FNTB: variants seen among roughly 807,000 people sequenced by gnomAD.
FNTB encodes farnesyltransferase, CAAX box, subunit beta, also known as protein farnesyltransferase subunit beta.
FNTB carries 27 observed loss-of-function variants against 59.4 expected under a neutral mutation model. The ratio of observed to expected loss-of-function variants is 0.45; its 90% CI spans 0.34 to 0.63. The LOEUF (loss-of-function observed/expected upper bound fraction) is 0.63. FNTB is among the 20% of genes least tolerant of loss of function. FNTB has a pLI of 0.02. For missense variants in FNTB, 449 were observed against 559.6 expected (o/e 0.80, Z 1.99); for synonymous variants, 230 against 220.7 (o/e 1.04, Z -0.37).
intron 11 of FNTB, among the ~76,000 whole-genome samples, chr14:65,059,596 G>A (rs2062815544): frequency 6.6e-6 from 1 of 151,844 alleles, no homozygotes; most frequent in Non-Finnish European, 1.5e-5. Flanking sequence ...GTTGCTCCTA[G>A]TATTCTCTCA....
rs985766637 is a variant in FNTB at position 65,028,262 on chromosome 14, T to C, written c.605+481T>C. ...CAGAGAGCCTTGTGGGCCGGGAGAG[T>C]GCAGTGCAATAAAATCGCATTAACT... is the stretch of plus-strand genomic sequence containing the variant. On this transcript the variant is annotated intron_variant, in intron 6 of 11. Coordinates refer to ENST00000246166, the MANE Select transcript of FNTB (RefSeq NM_002028.4). The surrounding 1 kb of genome is among the most constrained non-coding windows in gnomAD (Gnocchi z 4.4). Among the ~76,000 whole-genome samples the C allele has an allele frequency of 7.2e-5, 11 of 151,916 alleles. No individual in the cohort carries two copies. Among genetic ancestry groups the C allele is most frequent in the Admixed American group, 7.2e-4 (11 of 15,242 alleles).
rs2062090062 is a variant in FNTB at position 65,031,806 on chromosome 14, A to G, written c.606-804A>G. 4.6e-5 allele frequency among the ~76,000 whole-genome samples: 7 copies of G among 152,094 alleles called. No homozygotes were observed. On this transcript the variant is annotated intron_variant, in intron 6 of 11. Coordinates refer to ENST00000246166, the MANE Select transcript of FNTB (RefSeq NM_002028.4). The surrounding 1 kb of genome is among the most constrained non-coding windows in gnomAD (Gnocchi z 4.6). ...CATGGTGGCATGCGCCTGTAATCCC[A>G]GCTACTTGGGAGGCTGATACAGGAG...
chr14:65,005,001 G>A (rs568020261), intron 2 of FNTB, among the ~76,000 whole-genome samples: 93 of 152,292 alleles, frequency 6.1e-4, no homozygotes, highest in Admixed American at 1.5e-3. Context: ...GAAACATTTA[G>A]AGTCCAGGGA....
intron 8 of FNTB, among the ~76,000 whole-genome samples, chr14:65,041,639 C>T (rs367759258): frequency 6.6e-6 from 1 of 152,162 alleles, no homozygotes; most frequent in African/African-American, 2.4e-5. Context: ...TCCCGTTATG[C>T]GGCCCATCGT....
intron 9 of FNTB, among the ~76,000 whole-genome samples, chr14:65,050,847 C>G (rs2139666170): frequency 6.6e-6 from 1 of 152,268 alleles, no homozygotes; most frequent in African/African-American, 2.4e-5. Flanking sequence ...CGTGGTCAGT[C>G]TATTTGAAGA....
chr14:65,001,495 C>T lies in FNTB; in HGVS notation c.145-2754C>T, dbSNP rs1024549225. 1.8e-4 allele frequency among the ~76,000 whole-genome samples: 27 copies of T among 152,092 alleles called. No individual in the cohort carries two copies. Among genetic ancestry groups the T allele is most frequent in the Admixed American group, 6.5e-4 (10 of 15,272 alleles). On this transcript the variant is annotated intron_variant, in intron 1 of 11. Transcript: ENST00000246166. This position sits in a 1 kb window ranked among gnomAD's most constrained non-coding sequence, Gnocchi z 5.5. ...ACCATGATGAAATCACCTAAGAAGG[C>T]GTCTCTCAGAATGTATCCCTGTAGT...
intron 9 of FNTB, among the ~76,000 whole-genome samples, chr14:65,052,303 A>G (rs1344199382): frequency 6.6e-6 from 1 of 152,226 alleles, no homozygotes. Flanking sequence ...CTAGGTAGAA[A>G]AACGCATAGA....
chr14:65,041,407 G>T (rs1450790353), intron 8 of FNTB, among the ~76,000 whole-genome samples: 3 of 152,146 alleles, frequency 2.0e-5, no homozygotes, highest in Non-Finnish European at 4.4e-5. Context: ...CCACGCTCCT[G>T]GCCAGTATTC....
Position 64,994,007 on chromosome 14 carries a change from T to C in FNTB, c.144+6910T>C, listed in dbSNP as rs1888303623. ...AGTACCTGGGATTACAGGCATGTGCTACCACACCCGGCTAATTTTTGTATT... is the reference window on the plus strand; with the variant it reads ...AGTACCTGGGATTACAGGCATGTGCCACCACACCCGGCTAATTTTTGTATT... On this transcript the variant is annotated intron_variant, in intron 1 of 11. Transcript: ENST00000246166. This position sits in a 1 kb window ranked among gnomAD's most constrained non-coding sequence, Gnocchi z 4.2. Among the ~76,000 whole-genome samples, 2 of 152,036 alleles carry C rather than the reference T, an allele frequency of 1.3e-5. No individual in the cohort carries two copies. The highest frequency in any genetic ancestry group is 4.8e-5 in the African/African-American group (2 of 41,386).
At position 65,027,433 on chromosome 14, in the gene FNTB, C is replaced by T. The variant is rs770298384; in HGVS notation, c.375-20C>T. 13 of 1,611,818 alleles carry T rather than the reference C, an allele frequency of 8.1e-6. No individual in the cohort carries two copies. Among genetic ancestry groups the T allele is most frequent in the Non-Finnish European group, 1.1e-5 (13 of 1,179,252 alleles). On this transcript the variant is annotated intron_variant, in intron 4 of 11. Coordinates refer to ENST00000246166, the MANE Select transcript of FNTB (RefSeq NM_002028.4). This position sits in a 1 kb window ranked among gnomAD's most constrained non-coding sequence, Gnocchi z 5.7. ...TGAATGCTCTCTGACTTTGTTTTTG[C>T]CCTTTGGCTGTGTACCTAGTGTGTG...
rs563209232 is a variant in FNTB at position 64,990,941 on chromosome 14, C to T, written c.144+3844C>T. 1.3e-5 allele frequency among the ~76,000 whole-genome samples: 2 copies of T among 152,226 alleles called. No homozygotes were observed. Among genetic ancestry groups the T allele is most frequent in the South Asian group, 2.1e-4 (1 of 4,826 alleles). On this transcript the variant is annotated intron_variant, in intron 1 of 11. Transcript: ENST00000246166. The surrounding 1 kb of genome is among the most constrained non-coding windows in gnomAD (Gnocchi z 5.2). The stretch of plus-strand genomic sequence containing the variant: ...CTAAGCTGTTTTGTTAATGCAGATG[C>T]AGGGAGGGCCTTTCATGACACTAGA...
Position 65,061,548 on chromosome 14 carries a change from G to A in FNTB, c.*236G>A. ...CCAAAAATCTATCAGCCCACGTGGT[G>A]TGGTTGGTGAACAGTGCATGCCAGG... On this transcript the variant is annotated 3_prime_UTR_variant, in exon 12 of 12. Transcript: ENST00000246166. The A allele has an allele frequency of 1.8e-6, 1 of 562,374 alleles. No individual in the cohort carries two copies. Among genetic ancestry groups the A allele is most frequent in the South Asian group, 2.2e-5 (1 of 45,562 alleles). The allele number at this position is 562,374 out of a possible 1,614,324, so 34.8% of individuals were successfully genotyped here.
rs2061650888 is a variant in FNTB, at chr14:65,009,412, GT to G, written c.210-2904del. ...TAGATTCCCTAACACACCCACCACC[GT>G]GGCCACTCCACAGCTCTCCCACCAT... On this transcript the variant is annotated intron_variant, in intron 2 of 11. Coordinates refer to ENST00000246166, the MANE Select transcript of FNTB (RefSeq NM_002028.4). This position sits in a 1 kb window ranked among gnomAD's most constrained non-coding sequence, Gnocchi z 4.2. 6.6e-6 allele frequency among the ~76,000 whole-genome samples: 1 copy of G among 151,986 alleles called. No individual in the cohort carries two copies. Among genetic ancestry groups the G allele is most frequent in the Non-Finnish European group, 1.5e-5 (1 of 67,996 alleles).
rs1449475988 is a variant in FNTB, at chr14:65,012,826, A to G, written c.282+437A>G. Among the ~76,000 whole-genome samples, 1 of 152,232 alleles carries G rather than the reference A, an allele frequency of 6.6e-6. No individual in the cohort carries two copies. The highest frequency in any genetic ancestry group is 1.5e-5 in the Non-Finnish European group (1 of 68,040). On this transcript the variant is annotated intron_variant, in intron 3 of 11. Coordinates refer to ENST00000246166, the MANE Select transcript of FNTB (RefSeq NM_002028.4). This position sits in a 1 kb window ranked among gnomAD's most constrained non-coding sequence, Gnocchi z 5.0. The stretch of plus-strand genomic sequence containing the variant: ...ATTTTCCAACTTCACCACTCCTTCT[A>G]GTAAGTACATTACTTTTCATATCTT...
intron 1 of FNTB, among the ~76,000 whole-genome samples, chr14:64,999,573 A>C (rs1888524435): frequency 6.6e-6 from 1 of 152,230 alleles, no homozygotes; most frequent in African/African-American, 2.4e-5. Flanking sequence ...CAAATCTATG[A>C]ATATGCTAGA....
rs79855589 is a variant in FNTB, at chr14:65,049,462, T to G, written c.956-3776T>G. Among the ~76,000 whole-genome samples the G allele has an allele frequency of 6.4e-3, 971 of 152,302 alleles. 10 individuals are homozygous for G. The highest frequency in any genetic ancestry group is 0.022 in the African/African-American group (896 of 41,566). On this transcript the variant is annotated intron_variant, in intron 9 of 11. Coordinates refer to ENST00000246166, the MANE Select transcript of FNTB (RefSeq NM_002028.4). ...AAAGGATTTAAAAGGTGGATTCCAGTGTGCAGTTATCACCCTATAATCGTA... is the reference window on the plus strand; with the variant it reads ...AAAGGATTTAAAAGGTGGATTCCAGGGTGCAGTTATCACCCTATAATCGTA...
Position 64,986,919 on chromosome 14 carries a change from C to CAACA in FNTB, c.-34_-33insACAA. 2 of 1,612,952 alleles carry CAACA rather than the reference C, an allele frequency of 1.2e-6. No individual in the cohort carries two copies. The highest frequency in any genetic ancestry group is 1.7e-6 in the Non-Finnish European group (2 of 1,178,982). On this transcript the variant is annotated 5_prime_UTR_variant, in exon 1 of 12. Transcript: ENST00000246166. ...CAATGCGCGTTGTTGCTTAACGAAG[C>CAACA]AGAGTCCTACACACTGTCTGCTGCT...
In FNTB at chr14:64,994,352, C is replaced by G. The variant is rs1453332083; in HGVS notation, c.144+7255C>G. Among the ~76,000 whole-genome samples the G allele has an allele frequency of 6.6e-6, 1 of 152,146 alleles. No individual in the cohort carries two copies. The highest frequency in any genetic ancestry group is 1.5e-5 in the Non-Finnish European group (1 of 68,016). On this transcript the variant is annotated intron_variant, in intron 1 of 11. Transcript: ENST00000246166. This position sits in a 1 kb window ranked among gnomAD's most constrained non-coding sequence, Gnocchi z 4.2. The stretch of plus-strand genomic sequence containing the variant: ...TCTCTCCATTACTGAACAATACAAA[C>G]TAATATACATATAGTTATGTATCAC...
At position 65,001,100 on chromosome 14, in the gene FNTB, A is replaced by C. The variant is rs556755366; in HGVS notation, c.145-3149A>C. On this transcript the variant is annotated intron_variant, in intron 1 of 11. Coordinates refer to ENST00000246166, the MANE Select transcript of FNTB (RefSeq NM_002028.4). This position sits in a 1 kb window ranked among gnomAD's most constrained non-coding sequence, Gnocchi z 5.5. ...TCTCTCTGGGCCTGATAAATTTTGC[A>C]TACCTCACATAACTCAGACTGCTCT... 6.6e-6 allele frequency among the ~76,000 whole-genome samples: 1 copy of C among 152,226 alleles called. No homozygotes were observed. The highest frequency in any genetic ancestry group is 1.9e-4 in the East Asian group (1 of 5,172).
Sources: gnomAD v4.1 joint callset for allele counts (sites outside exome capture counted in the v4.1 genomes callset) on GRCh38, gnomAD v4.1.1 for gene constraint, Gnocchi (gnomAD v3.1) non-coding constraint, MANE v1.5 for transcripts, NCBI Gene and HGNC (gene_info 2026-07-23, HGNC 2026-07-21) for gene names.